Variants in SPMIP2 observed in about 807,000 individuals in gnomAD.
The protein encoded by SPMIP2 is sperm microtubule inner protein 2, also known as protein SPMIP2.
chr4:158,958,291 C>T, the SPMIP2 span, among the ~76,000 whole-genome samples: 8 of 152,260 alleles, frequency 5.3e-5, no homozygotes, highest in Admixed American at 3.9e-4. Flanking sequence ...CCACCATGTC[C>T]TGTTAGTTTT....
chr4:159,081,490 G>A, the SPMIP2 span, among the ~76,000 whole-genome samples: 3 of 152,030 alleles, frequency 2.0e-5, no homozygotes, highest in Non-Finnish European at 4.4e-5. Context: ...AGGAGTTCAA[G>A]ACCAGCCTAG....
chr4:158,961,057 C>T, the SPMIP2 span, among the ~76,000 whole-genome samples: 1 of 152,054 alleles, frequency 6.6e-6, no homozygotes, highest in Admixed American at 6.5e-5. Context: ...GGTCTATAAC[C>T]ATTTCTCAAA....
chr4:159,046,613 C>A, the SPMIP2 span, among the ~76,000 whole-genome samples: 11 of 152,164 alleles, frequency 7.2e-5, no homozygotes, highest in Non-Finnish European at 1.5e-4. Flanking sequence ...TGCTCTGTTG[C>A]CCAAGCTGGA....
At chr4:158,970,563 G>T in the SPMIP2 span, among the ~76,000 whole-genome samples, 2 of 148,546 alleles carry the variant, frequency 1.3e-5, no homozygotes, top group Non-Finnish European at 3.0e-5. Flanking sequence ...AAAAAAAAAA[G>T]ATTTTGATCT....
chr4:158,968,175 G>T, the SPMIP2 span, among the ~76,000 whole-genome samples: 2 of 151,992 alleles, frequency 1.3e-5, no homozygotes, highest in African/African-American at 4.8e-5. Context: ...AATTACAGGC[G>T]CCCATCACCA....
chr4:158,941,316 C>T, the SPMIP2 span, among the ~76,000 whole-genome samples: 1 of 152,110 alleles, frequency 6.6e-6, no homozygotes, highest in Non-Finnish European at 1.5e-5. Flanking sequence ...CCACAATATA[C>T]CCACAACAGA....
chr4:158,898,894 T>G, the SPMIP2 span, among the ~76,000 whole-genome samples: 51 of 152,312 alleles, frequency 3.3e-4, no homozygotes, highest in East Asian at 6.7e-3. Context: ...ATAGGAGTGG[T>G]GAGAGAGAGC....
At chr4:158,973,255 C>G in the SPMIP2 span, 1 of 1,613,804 alleles carries the variant, frequency 6.2e-7, no homozygotes. Flanking sequence ...TGCTGTTCTC[C>G]TACATAGGAG....
the SPMIP2 span, among the ~76,000 whole-genome samples, chr4:159,040,380 C>T: frequency 1.2e-4 from 18 of 152,074 alleles, no homozygotes; most frequent in African/African-American, 4.3e-4. Context: ...ACCGTGTTAG[C>T]CAGGATGGTC....
At chr4:159,040,164 A>G in the SPMIP2 span, among the ~76,000 whole-genome samples, 26,798 of 151,498 alleles carry the variant, frequency 0.18, 2,760 homozygotes, top group African/African-American at 0.29. Context: ...GTGTGTGTGT[A>G]TATATGTATG....
chr4:159,007,358 G>A, the SPMIP2 span: 2 of 689,460 alleles, frequency 2.9e-6, no homozygotes, highest in Non-Finnish European at 5.4e-6. Flanking sequence ...GATGGAAACA[G>A]ATAAGCAGGA....
the SPMIP2 span, among the ~76,000 whole-genome samples, chr4:158,919,922 G>T: frequency 6.6e-6 from 1 of 152,138 alleles, no homozygotes; most frequent in African/African-American, 2.4e-5. Flanking sequence ...CCCAGCCCTG[G>T]AATAATCCAT....
chr4:158,950,778 C>T, the SPMIP2 span, among the ~76,000 whole-genome samples: 5 of 152,220 alleles, frequency 3.3e-5, no homozygotes, highest in Middle Eastern at 6.8e-3. Flanking sequence ...TGTCTGTAAT[C>T]CCAGCTACTC....
the SPMIP2 span, among the ~76,000 whole-genome samples, chr4:158,957,176 TAACAA>T: frequency 1.3e-5 from 2 of 152,188 alleles, no homozygotes; most frequent in Non-Finnish European, 2.9e-5. Context: ...AGAATGATCT[TAACAA>T]AACAGGTTAA....
the SPMIP2 span, among the ~76,000 whole-genome samples, chr4:158,955,342 T>C: frequency 1.3e-5 from 2 of 152,308 alleles, no homozygotes; most frequent in East Asian, 1.9e-4. Flanking sequence ...AGTCATCAAT[T>C]TGCTAACCTA....
chr4:158,901,587 C>T, the SPMIP2 span, among the ~76,000 whole-genome samples: 1 of 152,110 alleles, frequency 6.6e-6, no homozygotes, highest in African/African-American at 2.4e-5. Context: ...GTGTGTTTTC[C>T]AACTTGGTTC....
chr4:159,054,056 C>T, the SPMIP2 span, among the ~76,000 whole-genome samples: 11 of 152,194 alleles, frequency 7.2e-5, no homozygotes. Context: ...TCACTGCAGT[C>T]TCCTAATGCC....
the SPMIP2 span, among the ~76,000 whole-genome samples, chr4:159,025,888 T>C: frequency 6.6e-6 from 1 of 152,232 alleles, no homozygotes; most frequent in Non-Finnish European, 1.5e-5. Context: ...TTTTGCTTCT[T>C]GAAGCAGGAT....
At chr4:158,956,551 A>G in the SPMIP2 span, among the ~76,000 whole-genome samples, 1 of 151,924 alleles carries the variant, frequency 6.6e-6, no homozygotes, top group Non-Finnish European at 1.5e-5. Context: ...CAACAGAGCA[A>G]AACTCTGTCT....
Sources: gnomAD v4.1 joint callset for allele counts (sites outside exome capture counted in the v4.1 genomes callset) on GRCh38, gnomAD v4.1.1 for gene constraint, MANE v1.5 for transcripts, NCBI Gene and HGNC (gene_info 2026-07-23, HGNC 2026-07-21) for gene names.